Variants in DAB1 observed in about 807,000 individuals in gnomAD.
DAB1 encodes DAB adaptor protein 1.
In DAB1, 15 loss-of-function variants were observed where a neutral mutation model predicts 64.6. The ratio of observed to expected loss-of-function variants is 0.23; its 90% confidence interval spans 0.16 to 0.36. The LOEUF is 0.36. Among genes scored for constraint, DAB1 ranks in the 10% least tolerant of loss-of-function variants. The pLI, the probability that DAB1 is intolerant of heterozygous loss-of-function variation, is 1.00. For missense variants in DAB1, 596 were observed against 706.7 expected, an observed-to-expected ratio of 0.84 and a Z score of 1.78; for synonymous variants, 235 against 251.9, an observed-to-expected ratio of 0.93 and a Z score of 0.64.
At chr1:58,478,734 G>A (rs914682267) in intron 3 of DAB1, among the ~76,000 whole-genome samples, 1 of 152,132 alleles carries the variant, frequency 6.6e-6, no homozygotes, top group South Asian at 2.1e-4. Flanking sequence ...AGTTTTAGAG[G>A]ATAGTCTCAC....
At chr1:57,934,655 T>C (rs979503799) in intron 5 of DAB1, among the ~76,000 whole-genome samples, 43 of 152,306 alleles carry the variant, frequency 2.8e-4, no homozygotes, top group Non-Finnish European at 2.6e-4. Flanking sequence ...AGATAAAGCA[T>C]CTGACTTGCC....
intron 5 of DAB1, among the ~76,000 whole-genome samples, chr1:58,097,799 G>A (rs1651077474): frequency 6.6e-6 from 1 of 152,114 alleles, no homozygotes; most frequent in African/African-American, 2.4e-5. Flanking sequence ...GGGACAGGCT[G>A]CCGCTACTGT....
chr1:58,202,280 T>C (rs990916534), intron 4 of DAB1, among the ~76,000 whole-genome samples: 2 of 152,236 alleles, frequency 1.3e-5, no homozygotes, highest in African/African-American at 4.8e-5. Flanking sequence ...TTATGATCAG[T>C]TGTCCCTTCT....
intron 11 of DAB1, among the ~76,000 whole-genome samples, chr1:57,017,380 T>A (rs1385034085): frequency 6.6e-6 from 1 of 152,024 alleles, no homozygotes; most frequent in African/African-American, 2.4e-5. Flanking sequence ...GGACAATGGG[T>A]GGGCGTTACG....
chr1:57,430,312 T>A (rs1457882099), intron 7 of DAB1, among the ~76,000 whole-genome samples: 1 of 152,174 alleles, frequency 6.6e-6, no homozygotes, highest in Non-Finnish European at 1.5e-5. Flanking sequence ...AAATAGTTTG[T>A]AGTACTTGCA....
chr1:58,515,569 TC>T (rs1174498027), intron 2 of DAB1, among the ~76,000 whole-genome samples: 2 of 152,158 alleles, frequency 1.3e-5, no homozygotes, highest in Non-Finnish European at 2.9e-5. Context: ...AAAATTAAGT[TC>T]CAAATAATGT....
intron 4 of DAB1, among the ~76,000 whole-genome samples, chr1:57,090,589 G>C (rs997385691): frequency 6.6e-6 from 1 of 152,176 alleles, no homozygotes; most frequent in Admixed American, 6.5e-5. Context: ...GAAAGACACT[G>C]AGGTTCAAAC....
At chr1:58,049,425 A>G in intron 5 of DAB1, 1 of 395,692 alleles carries the variant, frequency 2.5e-6, no homozygotes, top group Non-Finnish European at 4.7e-6. Context: ...GCTCAGAGTC[A>G]TTCAGCAACC....
At chr1:57,455,181 A>G (rs1392114922) in intron 7 of DAB1, among the ~76,000 whole-genome samples, 1 of 152,160 alleles carries the variant, frequency 6.6e-6, no homozygotes, top group African/African-American at 2.4e-5. Context: ...CATGTAAGTA[A>G]TTATGCTTGG....
intron 2 of DAB1, among the ~76,000 whole-genome samples, chr1:58,508,298 T>G (rs1569914713): frequency 6.6e-6 from 1 of 152,242 alleles, no homozygotes; most frequent in African/African-American, 2.4e-5. Context: ...TTATTTACAT[T>G]TTTCCAATTT....
chr1:57,571,189 C>A (rs905691063), intron 7 of DAB1, among the ~76,000 whole-genome samples: 1 of 152,074 alleles, frequency 6.6e-6, no homozygotes, highest in Admixed American at 6.6e-5. Flanking sequence ...TTTGGGTGCC[C>A]TTTATTTTTT....
chr1:57,553,384 GAGAAAGAAAGAAAGAAAGAA>G (rs775593744), intron 7 of DAB1, among the ~76,000 whole-genome samples: 1 of 6,952 alleles, frequency 1.4e-4, no homozygotes, highest in African/African-American at 1.8e-4. Context: ...AAGGAAGAAA[GAGAAAGAAAGAAAGAAAGAA>G]AGAAAGAAAG....
intron 7 of DAB1, among the ~76,000 whole-genome samples, chr1:57,648,863 AG>A (rs1646224381): frequency 6.6e-6 from 1 of 152,192 alleles, no homozygotes; most frequent in Non-Finnish European, 1.5e-5. Flanking sequence ...TCATCCTAAT[AG>A]GCAGTGCTGC....
chr1:57,840,163 T>G (rs1652985356), intron 1 of DAB1, among the ~76,000 whole-genome samples: 1 of 152,214 alleles, frequency 6.6e-6, no homozygotes, highest in Admixed American at 6.5e-5. Flanking sequence ...GGATGCATTT[T>G]GTGGGTGATG....
intron 1 of DAB1, among the ~76,000 whole-genome samples, chr1:57,405,055 G>A (rs1338471522): frequency 2.6e-5 from 4 of 152,138 alleles, no homozygotes; most frequent in African/African-American, 9.7e-5. Flanking sequence ...AATCTTAAAT[G>A]AGAAAGCCAC....
chr1:57,841,837 C>T (rs1488226149), intron 1 of DAB1, among the ~76,000 whole-genome samples: 1 of 152,156 alleles, frequency 6.6e-6, no homozygotes, highest in African/African-American at 2.4e-5. Context: ...TCTGAAATGC[C>T]TTGGTGGCAT....
At chr1:57,955,888 A>G (rs7514297) in intron 5 of DAB1, among the ~76,000 whole-genome samples, 1,774 of 152,332 alleles carry the variant, frequency 0.012, 33 homozygotes, top group African/African-American at 0.041. Flanking sequence ...ACTGGTCTAT[A>G]TCAGTCATAT....
At chr1:58,148,437 T>C (rs1379221014) in intron 5 of DAB1, among the ~76,000 whole-genome samples, 1 of 152,254 alleles carries the variant, frequency 6.6e-6, no homozygotes, top group Non-Finnish European at 1.5e-5. Context: ...CTACATGGCT[T>C]GGCCTCTGTC....
At chr1:58,041,400 T>C (rs753228219) in intron 5 of DAB1, among the ~76,000 whole-genome samples, 1 of 152,176 alleles carries the variant, frequency 6.6e-6, no homozygotes, top group Non-Finnish European at 1.5e-5. Flanking sequence ...CAGCATATGA[T>C]TGTGGGCTGT....
Sources: allele counts gnomAD v4.1 joint callset (sites outside exome capture counted in the v4.1 genomes callset), GRCh38; gene constraint gnomAD v4.1.1; transcripts MANE v1.5; gene names NCBI Gene and HGNC (gene_info 2026-07-23, HGNC 2026-07-21).